Variants in SMURF2 observed in about 807,000 individuals in gnomAD.
SMURF2 encodes SMAD specific E3 ubiquitin protein ligase 2, also known as E3 ubiquitin-protein ligase SMURF2.
Under a neutral mutation model 109.6 loss-of-function variants are expected in SMURF2, and 48 were observed. The ratio of observed to expected loss-of-function variants is 0.44; its 90% CI spans 0.35 to 0.56. The LOEUF (loss-of-function observed/expected upper bound fraction) is 0.56, where lower values mean the gene tolerates loss of function less well. Among genes scored for constraint, SMURF2 ranks in the 20% least tolerant of loss-of-function variants. The probability of loss-of-function intolerance (pLI) is 0.01; values close to 1 mark genes in which losing one functional copy is unlikely to be tolerated. For synonymous variants in SMURF2, 288 were observed against 317.1 expected, an observed-to-expected ratio of 0.91 and a Z score of 0.97; for missense variants, 575 against 909.0, an observed-to-expected ratio of 0.63 and a Z score of 4.72.
intron 1 of SMURF2, among the ~76,000 whole-genome samples, chr17:64,609,758 C>A (rs1291252663): frequency 2.0e-5 from 3 of 151,938 alleles, no homozygotes; most frequent in Non-Finnish European, 2.9e-5. Context: ...GCAACAAAAG[C>A]CAAAATAGAC....
chr17:64,616,018 CAG>C (rs1351054163), intron 1 of SMURF2, among the ~76,000 whole-genome samples: 1 of 151,830 alleles, frequency 6.6e-6, no homozygotes, highest in African/African-American at 2.4e-5. Flanking sequence ...TTAGTAGAGA[CAG>C]GGTTTCCCCA....
In SMURF2 at chr17:64,542,964, CTCTACA is replaced by C. The variant is rs782798869; in HGVS notation, c.*2878_*2883del. On this transcript the variant is annotated 3_prime_UTR_variant, in exon 19 of 19. Coordinates refer to ENST00000262435, the MANE Select transcript of SMURF2 (RefSeq NM_022739.4). ...CTTACCTCTCTGTACTGCCTATGAGCTCTACAAAGGAATCTCTGTTCATAACTAAGC... is the reference window on the plus strand; with the variant it reads ...CTTACCTCTCTGTACTGCCTATGAGCAAGGAATCTCTGTTCATAACTAAGC... 2.6e-5 allele frequency: 4 copies of C among 152,102 alleles called. No individual in the cohort carries two copies. Among genetic ancestry groups the C allele is most frequent in the Non-Finnish European group, 5.9e-5 (4 of 68,050 alleles). 9.4% of individuals were successfully genotyped at this position (152,102 alleles called of 1,614,324 possible). A position where few individuals can be genotyped will look rare whatever the true frequency, so the allele number is the denominator to read the frequency against.
At position 64,545,739 on chromosome 17, in the gene SMURF2, G is replaced by T. The variant is rs11547445; in HGVS notation, c.*109C>A. 5.1e-5 allele frequency: 19 copies of T among 369,916 alleles called. No homozygotes were observed. The highest frequency in any genetic ancestry group is 5.3e-4 in the Middle Eastern group (1 of 1,898). 22.9% of individuals were successfully genotyped at this position (369,916 alleles called of 1,614,324 possible). ...TGTAAAAAAAAAAAAAAAAAGGGGG[G>T]GGGGGGGAGTGTTTTCCTGTATTTC... On this transcript the variant is annotated 3_prime_UTR_variant, in exon 19 of 19. Transcript: ENST00000262435.
chr17:64,551,634 C>G lies in SMURF2; in HGVS notation c.1819G>C (p.Glu607Gln). Residue 607 changes from glutamate (E) to glutamine (Q), a missense_variant, in exon 16 of 19, where the codon GAA becomes CAA. Glu to Gln is a conservative substitution (Grantham distance 29). Coordinates refer to ENST00000262435, the MANE Select transcript of SMURF2 (RefSeq NM_022739.4). ...TTCAGCAGATGTTGTGGAATTACTTCATTAAATCCTTTCTGCAGAGCCAAG... is the reference window on the plus strand; with the variant it reads ...TTCAGCAGATGTTGTGGAATTACTTGATTAAATCCTTTCTGCAGAGCCAAG... ...QFLALQKGFN[E>Q]VIPQHLLKTF... The G allele has an allele frequency of 6.2e-7, 1 of 1,614,034 alleles. No individual in the cohort carries two copies. Among genetic ancestry groups the G allele is most frequent in the Non-Finnish European group, 8.5e-7 (1 of 1,179,938 alleles).
At chr17:64,653,882 T>A (rs1192680670) in intron 1 of SMURF2, among the ~76,000 whole-genome samples, 1 of 152,190 alleles carries the variant, frequency 6.6e-6, no homozygotes, top group Non-Finnish European at 1.5e-5. Context: ...TGGTGTACAA[T>A]GCAGTATTCC....
intron 9 of SMURF2, among the ~76,000 whole-genome samples, chr17:64,574,262 G>A (rs1469120836): frequency 1.3e-5 from 2 of 152,058 alleles, no homozygotes; most frequent in African/African-American, 4.8e-5. Context: ...GATTAAAAGA[G>A]CAAAACACTA....
Position 64,571,878 on chromosome 17 carries a change from T to G in SMURF2, c.936A>C (p.Arg312Ser), listed in dbSNP as rs1555685596. The change falls in exon 10 of 19, where the codon AGA becomes AGC. Residue 312 changes from arginine to serine, a missense_variant. Arg to Ser is a moderately radical substitution (Grantham distance 110). Transcript: ENST00000262435. ...GWEIRNTATG[R>S]VYFVDHNNRT... ...TGTTGTTATGGTCAACGAAATAAAC[T>G]CTGCCTGTTGCCGTATTACGGATCT... The G allele has an allele frequency of 6.2e-7, 1 of 1,613,982 alleles. No homozygotes were observed.
At chr17:64,600,479 G>A (rs1969879549) in intron 2 of SMURF2, among the ~76,000 whole-genome samples, 2 of 152,170 alleles carry the variant, frequency 1.3e-5, no homozygotes, top group African/African-American at 4.8e-5. Flanking sequence ...TGGTATCAAT[G>A]CTAATTTTTT....
rs987575378 is a variant in SMURF2, at chr17:64,547,253, A to C, written c.2071+347T>G. 6.6e-6 allele frequency among the ~76,000 whole-genome samples: 1 copy of C among 152,214 alleles called. No homozygotes were observed. Among genetic ancestry groups the C allele is most frequent in the Non-Finnish European group, 1.5e-5 (1 of 68,034 alleles). On this transcript the variant is annotated intron_variant, in intron 17 of 18. Transcript: ENST00000262435. This position sits in a 1 kb window ranked among gnomAD's most constrained non-coding sequence, Gnocchi z 4.2. ...AGTAGAGGGGAGAGGCATCCCAGGC[A>C]GGTAAACGTTTCACCAGGTCAAGAT...
chr17:64,580,937 C>G lies in SMURF2; in HGVS notation c.624G>C (p.Glu208Asp). 1 of 1,614,116 alleles carries G rather than the reference C, an allele frequency of 6.2e-7. No homozygotes were observed. The highest frequency in any genetic ancestry group is 8.5e-7 in the Non-Finnish European group (1 of 1,180,010). Reference protein sequence around the residue: ...PGRPLSCFVDENTPISGTNGA... With the variant: ...PGRPLSCFVDDNTPISGTNGA... ...CATTTGTTCCACTAATTGGAGTGTT[C>G]TCATCAACAAAGCAGCTAAGAGGTC... The change falls in exon 8 of 19, where the codon GAG becomes GAC. Residue 208 changes from glutamate (E) to aspartate (D), a missense_variant. Glu to Asp is a conservative substitution (Grantham distance 45). Transcript: ENST00000262435.
intron 1 of SMURF2, among the ~76,000 whole-genome samples, chr17:64,638,354 C>T (rs1970450388): frequency 6.6e-6 from 1 of 152,188 alleles, no homozygotes; most frequent in African/African-American, 2.4e-5. Flanking sequence ...GCATGAGCCA[C>T]TGCGCCTGAC....
chr17:64,613,686 G>A (rs927285628), intron 1 of SMURF2, among the ~76,000 whole-genome samples: 1 of 102,622 alleles, frequency 9.7e-6, no homozygotes, highest in Non-Finnish European at 2.1e-5. Context: ...GTGTGTGTGT[G>A]TGTGTGTGTG....
chr17:64,584,550 G>C (rs1270739671), intron 6 of SMURF2, among the ~76,000 whole-genome samples: 2 of 151,562 alleles, frequency 1.3e-5, no homozygotes, highest in Non-Finnish European at 2.9e-5. Flanking sequence ...GAAGAGACGT[G>C]GTTTCACCAT....
rs374287653 is a variant in SMURF2 at position 64,656,794 on chromosome 17, G to A, written c.52+5035C>T. 5.3e-5 allele frequency among the ~76,000 whole-genome samples: 8 copies of A among 152,238 alleles called. No homozygotes were observed. The South Asian group carries it at 1.2e-3, about 24-fold the overall frequency. ...GGTTGCTGTTGAATCTGCTTAACCA[G>A]TTATCCTAAAACCAGTCTTCATGGT... is the stretch of plus-strand genomic sequence containing the variant. On this transcript the variant is annotated intron_variant, in intron 1 of 18. Coordinates refer to ENST00000262435, the MANE Select transcript of SMURF2 (RefSeq NM_022739.4).
intron 1 of SMURF2, 117 bp downstream of exon 1, chr17:64,661,712 T>A (rs575501374): frequency 1.1e-5 from 7 of 665,236 alleles, no homozygotes; most frequent in South Asian, 1.5e-4. Context: ...GCCTTCCCAT[T>A]CCTCCGACCC....
rs548501431 is a variant in SMURF2 at position 64,547,341 on chromosome 17, C to G, written c.2071+259G>C. The stretch of plus-strand genomic sequence containing the variant: ...GCAACAGAATTAAAAGTAAGGTGAC[C>G]AGAAAACAAAGGCAGAGCATCACCA... On this transcript the variant is annotated intron_variant, in intron 17 of 18. Transcript: ENST00000262435. The surrounding 1 kb of genome is among the most constrained non-coding windows in gnomAD (Gnocchi z 4.2). Among the ~76,000 whole-genome samples the G allele has an allele frequency of 1.4e-4, 21 of 152,188 alleles. No homozygotes were observed. In the South Asian group the frequency reaches 4.4e-3, roughly 32 times the overall value.
At chr17:64,594,727 C>T (rs1255792696) in intron 3 of SMURF2, among the ~76,000 whole-genome samples, 5 of 152,162 alleles carry the variant, frequency 3.3e-5, no homozygotes, top group Non-Finnish European at 7.3e-5. Flanking sequence ...TGGCTCACGC[C>T]TGTAATTCTA....
chr17:64,609,852 T>C (rs1486882334), intron 1 of SMURF2, among the ~76,000 whole-genome samples: 1 of 151,822 alleles, frequency 6.6e-6, no homozygotes, highest in East Asian at 1.9e-4. Context: ...GAGAAAAAAT[T>C]TGCAATCTAT....
intron 6 of SMURF2, among the ~76,000 whole-genome samples, chr17:64,584,351 C>CA (rs1969619104): frequency 7.6e-6 from 1 of 131,780 alleles, no homozygotes; most frequent in South Asian, 2.4e-4. Flanking sequence ...CAGCTACTTT[C>CA]TTTTTTTTTC....
Sources: gnomAD v4.1 joint callset for allele counts (sites outside exome capture counted in the v4.1 genomes callset) on GRCh38, gnomAD v4.1.1 for gene constraint, Gnocchi (gnomAD v3.1) non-coding constraint, MANE v1.5 for transcripts, NCBI Gene and HGNC (gene_info 2026-07-23, HGNC 2026-07-21) for gene names.